Variants in TENM3 observed in about 807,000 individuals in gnomAD.
TENM3 encodes teneurin transmembrane protein 3.
TENM3 carries 63 observed loss-of-function variants against 255.1 expected under a neutral mutation model. That is an observed-to-expected ratio of 0.25 (90% confidence interval 0.20 to 0.30). The LOEUF (loss-of-function observed/expected upper bound fraction) is 0.30. Ranked by LOEUF, TENM3 falls within the 10% of genes least tolerant of loss-of-function variation. TENM3 has a pLI of 1.00. For missense variants in TENM3, 2,929 were observed against 3,461.1 expected (o/e 0.85, Z 3.86); for synonymous variants, 1,306 against 1,322.3 (o/e 0.99, Z 0.27).
chr4:181,458,990 G>T, the TENM3 span, among the ~76,000 whole-genome samples: 3 of 151,946 alleles, frequency 2.0e-5, no homozygotes, highest in Middle Eastern at 6.8e-3. Context: ...ACTTTCCAAA[G>T]TTGCCTTAGC....
At chr4:182,587,821 A>G (rs1746200134) in intron 3 of TENM3, among the ~76,000 whole-genome samples, 1 of 152,212 alleles carries the variant, frequency 6.6e-6, no homozygotes. Context: ...AGTTGGATAT[A>G]AAGTGATTTT....
At chr4:182,351,060 CA>C (rs1184942212) in intron 3 of TENM3, among the ~76,000 whole-genome samples, 1 of 151,190 alleles carries the variant, frequency 6.6e-6, no homozygotes, top group African/African-American at 2.4e-5. Flanking sequence ...ACCTCAGTTC[CA>C]AATACCTATT....
At chr4:182,639,473 A>G (rs1038120545) in intron 5 of TENM3, among the ~76,000 whole-genome samples, 27 of 152,210 alleles carry the variant, frequency 1.8e-4, no homozygotes, top group Non-Finnish European at 3.1e-4. Context: ...AAGTACTATT[A>G]TCCACACTTT....
chr4:181,552,138 G>C, the TENM3 span, among the ~76,000 whole-genome samples: 1 of 151,934 alleles, frequency 6.6e-6, no homozygotes, highest in Non-Finnish European at 1.5e-5. Flanking sequence ...TCCTGACATT[G>C]AGCAAATATA....
the TENM3 span, among the ~76,000 whole-genome samples, chr4:181,640,056 G>A: frequency 6.6e-6 from 1 of 152,190 alleles, no homozygotes; most frequent in Admixed American, 6.5e-5. Context: ...GTGGTACACA[G>A]ACAGCACTCA....
intron 3 of TENM3, among the ~76,000 whole-genome samples, chr4:182,477,105 G>A (rs1733747657): frequency 6.6e-6 from 1 of 152,190 alleles, no homozygotes; most frequent in East Asian, 1.9e-4. Context: ...GTTTTTAGTA[G>A]TGACCTTGGC....
At chr4:181,826,851 T>C in the TENM3 span, among the ~76,000 whole-genome samples, 1 of 152,172 alleles carries the variant, frequency 6.6e-6, no homozygotes, top group Non-Finnish European at 1.5e-5. Flanking sequence ...GAGCCACTGC[T>C]CTAAAGGGAA....
chr4:181,785,461 G>C, the TENM3 span, among the ~76,000 whole-genome samples: 1 of 152,110 alleles, frequency 6.6e-6, no homozygotes, highest in Non-Finnish European at 1.5e-5. Context: ...TCCCTAAAAA[G>C]TGTGGTTCAG....
At chr4:182,238,939 T>C (rs139480593), upstream of TENM3, among the ~76,000 whole-genome samples, 961 of 152,226 alleles carry the variant, frequency 6.3e-3, 15 homozygotes, top group African/African-American at 0.022. Flanking sequence ...AGGACTGATA[T>C]TATAATTTTT....
chr4:181,947,340 A>C, the TENM3 span, among the ~76,000 whole-genome samples: 1 of 152,342 alleles, frequency 6.6e-6, no homozygotes, highest in South Asian at 2.1e-4. Context: ...TCATTCCATT[A>C]GAAAAGACAG....
At chr4:181,542,721 A>T in the TENM3 span, among the ~76,000 whole-genome samples, 1 of 152,216 alleles carries the variant, frequency 6.6e-6, no homozygotes, top group Non-Finnish European at 1.5e-5. Flanking sequence ...TAACAGCAGA[A>T]GAATTCATTC....
rs33933747 is a variant in TENM3, at chr4:182,346,575, TAA to T, written c.233-63_233-62del. On this transcript the variant is annotated intron_variant, in intron 2 of 27. Coordinates refer to ENST00000511685, the MANE Select transcript of TENM3 (RefSeq NM_001080477.4). ...AGTGTTTATTTCTGAAAGACATTCTTAAAAAAAAAAAAAAGAAAAGAAACTAA... is the reference window on the plus strand; with the variant it reads ...AGTGTTTATTTCTGAAAGACATTCTTAAAAAAAAAAAAGAAAAGAAACTAA... 0.13 allele frequency: 105,745 copies of T among 828,246 alleles called. 490 individuals are homozygous for T. The highest frequency in any genetic ancestry group is 0.15 in the South Asian group (6,495 of 44,390). 51.3% of individuals were successfully genotyped at this position (828,246 alleles called of 1,614,324 possible). A position where few individuals can be genotyped will look rare whatever the true frequency, so the allele number is the denominator to read the frequency against.
At chr4:181,844,600 G>A in the TENM3 span, among the ~76,000 whole-genome samples, 2 of 151,734 alleles carry the variant, frequency 1.3e-5, no homozygotes, top group Admixed American at 6.6e-5. Flanking sequence ...CCCGGGAGGC[G>A]GAGCTTGCAG....
chr4:182,361,053 A>G lies in TENM3; in HGVS notation c.511+14124A>G, dbSNP rs548509033. ...TTAAGAATGTTTAATATTGGCTCCCATTCTCTTCTGGCTTGTAGAGTTTCT... is the reference window on the plus strand; with the variant it reads ...TTAAGAATGTTTAATATTGGCTCCCGTTCTCTTCTGGCTTGTAGAGTTTCT... On this transcript the variant is annotated intron_variant, in intron 3 of 27. Transcript: ENST00000511685. 2.6e-5 allele frequency among the ~76,000 whole-genome samples: 4 copies of G among 152,270 alleles called. No homozygotes were observed. In the South Asian group the frequency reaches 8.3e-4, roughly 32 times the overall value.
At chr4:181,679,325 G>A in the TENM3 span, among the ~76,000 whole-genome samples, 1 of 152,062 alleles carries the variant, frequency 6.6e-6, no homozygotes, top group Non-Finnish European at 1.5e-5. Flanking sequence ...TCCGGGGGCT[G>A]CCCCATTCAC....
the TENM3 span, among the ~76,000 whole-genome samples, chr4:181,532,080 A>G: frequency 5.3e-5 from 8 of 152,202 alleles, no homozygotes; most frequent in Admixed American, 6.5e-5. Context: ...GCACAGAAAA[A>G]TGTGTTATAA....
intron 1 of TENM3, among the ~76,000 whole-genome samples, chr4:182,264,555 TC>T (rs1050653381): frequency 1.3e-5 from 2 of 152,222 alleles, no homozygotes; most frequent in African/African-American, 2.4e-5. Context: ...ACAGAGACTG[TC>T]CTGTGCTGTA....
intron 13 of TENM3, among the ~76,000 whole-genome samples, chr4:182,728,425 ACT>A (rs1760401833): frequency 6.6e-6 from 1 of 152,074 alleles, no homozygotes; most frequent in South Asian, 2.1e-4. Flanking sequence ...TTTATTTCTT[ACT>A]CAGAACAAAC....
chr4:182,607,450 AT>A (rs1359737046), intron 4 of TENM3, among the ~76,000 whole-genome samples: 1 of 152,216 alleles, frequency 6.6e-6, no homozygotes, highest in Non-Finnish European at 1.5e-5. Flanking sequence ...AAGAAAAAAA[AT>A]CTTCAAATAA....
Sources: allele counts gnomAD v4.1 joint callset (sites outside exome capture counted in the v4.1 genomes callset), GRCh38; gene constraint gnomAD v4.1.1; transcripts MANE v1.5; gene names NCBI Gene and HGNC (gene_info 2026-07-23, HGNC 2026-07-21).